Variants in STARD13 observed in about 807,000 individuals in gnomAD.
The protein encoded by STARD13 is StAR related lipid transfer domain containing 13.
In STARD13, 62 loss-of-function variants were observed where a neutral mutation model predicts 106.4. The ratio of observed to expected loss-of-function variants is 0.58; its 90% CI spans 0.48 to 0.72. The LOEUF is 0.72. STARD13 is among the 30% of genes least tolerant of loss of function. The probability of loss-of-function intolerance (pLI) is 0.00; values close to 1 mark genes in which losing one functional copy is unlikely to be tolerated. For synonymous variants in STARD13, 565 were observed against 553.0 expected, an observed-to-expected ratio of 1.02 and a Z score of -0.31; for missense variants, 1,387 against 1,424.0, an observed-to-expected ratio of 0.97 and a Z score of 0.42.
downstream of STARD13, among the ~76,000 whole-genome samples, chr13:33,347,266 C>T (rs768607129): frequency 3.1e-4 from 47 of 151,978 alleles, 1 homozygote; most frequent in East Asian, 1.9e-4. Context: ...GACAGAGTCT[C>T]GCTCTATTAC....
the STARD13 span, among the ~76,000 whole-genome samples, chr13:33,377,103 C>A: frequency 6.6e-6 from 1 of 152,162 alleles, no homozygotes; most frequent in African/African-American, 2.4e-5. Flanking sequence ...CAATTTTTTT[C>A]TATTGTTAGT....
rs371451978 is a variant in STARD13 at position 33,122,430 on chromosome 13, AG to A, written c.2082+3650del. ...GGACGGGCAGCCTGGGCCATCACAC[AG>A]GGTCTCACACACTTAGTTTAATGCT... On this transcript the variant is annotated intron_variant, in intron 7 of 13. Coordinates refer to ENST00000336934, the MANE Select transcript of STARD13 (RefSeq NM_178006.4). Among the ~76,000 whole-genome samples, 4 of 152,346 alleles carry A rather than the reference AG, an allele frequency of 2.6e-5. No homozygotes were observed. In the East Asian group the frequency reaches 7.7e-4, roughly 29 times the overall value.
the STARD13 span, among the ~76,000 whole-genome samples, chr13:33,496,398 A>G: frequency 6.6e-6 from 1 of 151,622 alleles, no homozygotes; most frequent in Non-Finnish European, 1.5e-5. Flanking sequence ...TATTGTTACT[A>G]TTACTATTAT....
intron 12 of STARD13, among the ~76,000 whole-genome samples, chr13:33,108,659 C>T (rs1874101393): frequency 6.6e-6 from 1 of 152,188 alleles, no homozygotes; most frequent in Non-Finnish European, 1.5e-5. Context: ...GAACGAAGCA[C>T]TGATAAATAG....
chr13:33,207,623 C>T (rs1887492813), intron 1 of STARD13, among the ~76,000 whole-genome samples: 1 of 152,186 alleles, frequency 6.6e-6, no homozygotes, highest in Non-Finnish European at 1.5e-5. Context: ...CAGCTTTCTA[C>T]ACTCACCCCT....
chr13:33,127,341 A>C (rs763730441), intron 6 of STARD13, 32 bp downstream of exon 6: 1 of 1,527,384 alleles, frequency 6.5e-7, no homozygotes, highest in South Asian at 1.2e-5. Context: ...TCTAGAGCCA[A>C]GGATCCCCTC....
the STARD13 span, among the ~76,000 whole-genome samples, chr13:33,512,804 C>A: frequency 1.3e-5 from 2 of 152,042 alleles, no homozygotes; most frequent in Non-Finnish European, 2.9e-5. Flanking sequence ...ATCCCAGGTT[C>A]TTGAAAGCTC....
the STARD13 span, among the ~76,000 whole-genome samples, chr13:33,392,149 A>G: frequency 1.3e-5 from 2 of 152,162 alleles, no homozygotes; most frequent in Non-Finnish European, 2.9e-5. Flanking sequence ...TAAAATGCAC[A>G]GAGGGCCCCT....
At chr13:33,340,557 T>C (rs993685467) in intron 1 of STARD13, among the ~76,000 whole-genome samples, 21 of 152,350 alleles carry the variant, frequency 1.4e-4, no homozygotes, top group African/African-American at 4.8e-4. Flanking sequence ...GATTGCATAA[T>C]TGTCTCTCTT....
chr13:33,460,313 C>G, the STARD13 span, among the ~76,000 whole-genome samples: 1 of 151,500 alleles, frequency 6.6e-6, no homozygotes, highest in South Asian at 2.1e-4. Flanking sequence ...TGGTGAAACC[C>G]TGTCTCTAGT....
At chr13:33,154,461 C>T (rs1186732554) in intron 3 of STARD13, among the ~76,000 whole-genome samples, 2 of 152,098 alleles carry the variant, frequency 1.3e-5, no homozygotes, top group African/African-American at 2.4e-5. Context: ...TCCAGGGACA[C>T]GATATCTATG....
At chr13:33,674,909 A>T in the STARD13 span, among the ~76,000 whole-genome samples, 4 of 152,304 alleles carry the variant, frequency 2.6e-5, no homozygotes, top group African/African-American at 9.6e-5. Flanking sequence ...CCTCACATAC[A>T]TAGTATTTGG....
At chr13:33,357,804 G>A in the STARD13 span, among the ~76,000 whole-genome samples, 2 of 152,166 alleles carry the variant, frequency 1.3e-5, no homozygotes, top group African/African-American at 4.8e-5. Context: ...CTGGTGAGAG[G>A]TGACAGCATG....
chr13:33,253,216 TAA>T (rs1183107536), intron 1 of STARD13, among the ~76,000 whole-genome samples: 2 of 152,192 alleles, frequency 1.3e-5, no homozygotes, highest in Non-Finnish European at 2.9e-5. Context: ...CCAGACTTCC[TAA>T]AAGACTTCTT....
At chr13:33,290,194 C>A (rs988658281), upstream of STARD13, among the ~76,000 whole-genome samples, 1 of 152,180 alleles carries the variant, frequency 6.6e-6, no homozygotes, top group Non-Finnish European at 1.5e-5. Context: ...CTCCTTCACA[C>A]ACATTCCAGC....
At chr13:33,307,247 G>A (rs930856129) in intron 1 of STARD13, among the ~76,000 whole-genome samples, 3 of 152,172 alleles carry the variant, frequency 2.0e-5, no homozygotes, top group Non-Finnish European at 4.4e-5. Context: ...AGACAGTGTG[G>A]CAATTCCTCA....
chr13:33,662,037 C>T, the STARD13 span, among the ~76,000 whole-genome samples: 20 of 151,890 alleles, frequency 1.3e-4, no homozygotes, highest in Admixed American at 2.0e-4. Flanking sequence ...CCGAGGTGGG[C>T]GGATCACGAG....
chr13:33,119,114 T>G (rs2069309), intron 7 of STARD13, among the ~76,000 whole-genome samples: 37,444 of 152,040 alleles, frequency 0.25, 4,815 homozygotes, highest in South Asian at 0.3. Context: ...AGAATGAAGA[T>G]CCTGCAATGG....
At chr13:33,282,284 G>A (rs1891826684) in intron 1 of STARD13, among the ~76,000 whole-genome samples, 1 of 152,122 alleles carries the variant, frequency 6.6e-6, no homozygotes, top group Admixed American at 6.5e-5. Flanking sequence ...AAATGGAATT[G>A]CAACCCCAGA....
Sources: gnomAD v4.1 joint callset for allele counts (sites outside exome capture counted in the v4.1 genomes callset) on GRCh38, gnomAD v4.1.1 for gene constraint, MANE v1.5 for transcripts, NCBI Gene and HGNC (gene_info 2026-07-23, HGNC 2026-07-21) for gene names.